The following CSMD3 variants were observed in gnomAD, a reference collection of about 807,000 sequenced individuals.
CSMD3 encodes the protein CUB and sushi domain-containing protein 3.
In CSMD3, 177 loss-of-function variants were observed where a neutral mutation model predicts 435.2. The observed-to-expected ratio is 0.41, with a 90% CI of 0.36 to 0.46. CSMD3 has a LOEUF of 0.46. Among genes scored for constraint, CSMD3 ranks in the 20% least tolerant of loss-of-function variants. The probability of loss-of-function intolerance (pLI) is 0.34; values close to 1 mark genes in which losing one functional copy is unlikely to be tolerated. For synonymous variants in CSMD3, 1,656 were observed against 1,520.5 expected (o/e 1.09, Z -2.07); for missense variants, 4,265 against 4,504.6 (o/e 0.95, Z 1.52).
intron 54 of CSMD3, 37 bp downstream of exon 54, chr8:112,295,796 T>C: frequency 6.3e-7 from 1 of 1,583,558 alleles, no homozygotes; most frequent in Non-Finnish European, 8.7e-7. Flanking sequence ...ATTCCAAAGA[T>C]CAGAGGTCTC....
chr8:113,100,641 G>A (rs2090302165), intron 4 of CSMD3, among the ~76,000 whole-genome samples: 1 of 152,064 alleles, frequency 6.6e-6, no homozygotes, highest in Non-Finnish European at 1.5e-5. Context: ...TAGTTCAAGT[G>A]TTCTCATCTC....
intron 4 of CSMD3, among the ~76,000 whole-genome samples, chr8:113,148,494 C>T (rs752967217): frequency 1.3e-5 from 2 of 151,700 alleles, no homozygotes; most frequent in Admixed American, 6.6e-5. Flanking sequence ...TCTGCTTATT[C>T]TACACTTCAG....
chr8:113,416,866 A>T (rs2094583979), intron 1 of CSMD3, among the ~76,000 whole-genome samples: 2 of 152,238 alleles, frequency 1.3e-5, no homozygotes, highest in Admixed American at 1.3e-4. Flanking sequence ...TTGATTCAAG[A>T]GTAGAGAGGA....
chr8:112,955,668 C>A (rs2083989740), intron 7 of CSMD3, among the ~76,000 whole-genome samples: 1 of 151,808 alleles, frequency 6.6e-6, no homozygotes, highest in Non-Finnish European at 1.5e-5. Flanking sequence ...CACTCCTCAT[C>A]ACCCTTCCCT....
chr8:113,365,581 G>A (rs1362608176), intron 1 of CSMD3, among the ~76,000 whole-genome samples: 3 of 152,026 alleles, frequency 2.0e-5, no homozygotes, highest in Non-Finnish European at 4.4e-5. Flanking sequence ...ACTAAAAATA[G>A]ATTATGTACA....
At chr8:113,151,754 T>C (rs920667628) in intron 4 of CSMD3, among the ~76,000 whole-genome samples, 2 of 152,026 alleles carry the variant, frequency 1.3e-5, no homozygotes, top group Non-Finnish European at 1.5e-5. Context: ...GAGTCAAGAT[T>C]ATTTAAAATT....
In CSMD3 at chr8:113,143,006, ATATAAAAC is replaced by A. The variant is rs2091586474; in HGVS notation, c.709+30708_709+30715del. On this transcript the variant is annotated intron_variant, in intron 4 of 70. Transcript: ENST00000297405. ...AAAATGAGTCACTGACAAATGCAAA[ATATAAAAC>A]TATAAAACAAGTTACAAGTTACAGC... is the stretch of plus-strand genomic sequence containing the variant. Among the ~76,000 whole-genome samples, 13 of 151,158 alleles carry A rather than the reference ATATAAAAC, an allele frequency of 8.6e-5. No individual in the cohort carries two copies. In the South Asian group the frequency reaches 2.7e-3, roughly 31 times the overall value.
chr8:113,244,532 T>C (rs2093255401), intron 3 of CSMD3, among the ~76,000 whole-genome samples: 1 of 152,246 alleles, frequency 6.6e-6, no homozygotes, highest in East Asian at 1.9e-4. Flanking sequence ...GTCAGGCTGG[T>C]CTCAAACTCC....
At chr8:112,534,542 C>T (rs182179826) in intron 27 of CSMD3, among the ~76,000 whole-genome samples, 5 of 152,280 alleles carry the variant, frequency 3.3e-5, no homozygotes, top group Non-Finnish European at 5.9e-5. Flanking sequence ...AAATCAATAG[C>T]TTACCAACTA....
intron 28 of CSMD3, among the ~76,000 whole-genome samples, chr8:112,513,205 T>C (rs560471021): frequency 7.2e-5 from 11 of 152,330 alleles, no homozygotes; most frequent in Middle Eastern, 3.4e-3. Flanking sequence ...ATTCAGAACA[T>C]GGGTAACTAT....
At chr8:112,800,476 TTAAC>T (rs1415696626) in intron 12 of CSMD3, among the ~76,000 whole-genome samples, 2 of 152,022 alleles carry the variant, frequency 1.3e-5, no homozygotes, top group Non-Finnish European at 2.9e-5. Flanking sequence ...TATTCTGTGT[TTAAC>T]TAGGAAAGAT....
intron 5 of CSMD3, among the ~76,000 whole-genome samples, chr8:113,037,445 G>T (rs1268045056): frequency 1.3e-5 from 2 of 152,000 alleles, no homozygotes; most frequent in Non-Finnish European, 2.9e-5. Context: ...TGATAGGAGA[G>T]ATGTTATTTT....
chr8:112,283,880 GC>G (rs890880203), intron 58 of CSMD3, among the ~76,000 whole-genome samples: 2 of 151,734 alleles, frequency 1.3e-5, no homozygotes, highest in South Asian at 2.1e-4. Context: ...TTTCAAAATA[GC>G]TAGAAGTGAG....
chr8:113,302,234 T>TATAATATATATTATATAAAATATATATA, intron 2 of CSMD3, among the ~76,000 whole-genome samples: 1 of 18,934 alleles, frequency 5.3e-5, no homozygotes, highest in East Asian at 2.6e-3. Context: ...TATAATATAA[T>TATAATATATATTATATAAAATATATATA]ATATAATATA....
intron 5 of CSMD3, among the ~76,000 whole-genome samples, chr8:113,097,596 T>C (rs139795526): frequency 0.014 from 2,103 of 152,206 alleles, 18 homozygotes; most frequent in Non-Finnish European, 0.022. Context: ...ACCATCAATA[T>C]TAACTAAATA....
At chr8:112,773,589 G>A (rs994240813) in intron 13 of CSMD3, among the ~76,000 whole-genome samples, 2 of 151,994 alleles carry the variant, frequency 1.3e-5, no homozygotes, top group African/African-American at 4.8e-5. Flanking sequence ...GGAAGTAAGA[G>A]TGCCCTAAGC....
chr8:112,254,181 A>G, intron 63 of CSMD3, 72 bp downstream of exon 63: 1 of 1,011,324 alleles, frequency 9.9e-7, no homozygotes, highest in Non-Finnish European at 1.6e-6. Flanking sequence ...TGTCAACAAG[A>G]TTATATGCAT....
At chr8:112,379,844 C>T (rs539831857) in intron 38 of CSMD3, among the ~76,000 whole-genome samples, 1 of 152,170 alleles carries the variant, frequency 6.6e-6, no homozygotes, top group Non-Finnish European at 1.5e-5. Context: ...TCCAGATGAA[C>T]CTGGAGGACA....
At chr8:112,255,553 T>G in intron 61 of CSMD3, 126 bp from the exon 62 acceptor site, 1 of 828,816 alleles carries the variant, frequency 1.2e-6, no homozygotes, top group East Asian at 2.6e-5. Context: ...GATAAAGCTA[T>G]CCCAATGAAA....
Sources: gnomAD v4.1 joint callset for allele counts (sites outside exome capture counted in the v4.1 genomes callset) on GRCh38, gnomAD v4.1.1 for gene constraint, MANE v1.5 for transcripts, NCBI Gene and HGNC (gene_info 2026-07-23, HGNC 2026-07-21) for gene names.